Variants in PROC observed in about 807,000 individuals in gnomAD.
PROC encodes vitamin K-dependent protein C.
PROC carries 22 observed loss-of-function variants against 36.3 expected under a neutral mutation model. The observed-to-expected ratio is 0.61, with a 90% confidence interval of 0.43 to 0.86. PROC has a LOEUF of 0.86. Among genes scored for constraint, PROC ranks in the 40% least tolerant of loss-of-function variants. PROC has a pLI of 0.00. For synonymous variants in PROC, 218 were observed against 244.5 expected, an observed-to-expected ratio of 0.89 and a Z score of 1.01; for missense variants, 526 against 629.7, an observed-to-expected ratio of 0.84 and a Z score of 1.76.
chr2:127,421,958 C>T (rs1573438952), intron 3 of PROC, among the ~76,000 whole-genome samples: 1 of 152,156 alleles, frequency 6.6e-6, no homozygotes, highest in South Asian at 2.1e-4. Flanking sequence ...TCCTTTGGAG[C>T]CCCCAGAGTC....
Position 127,426,017 on chromosome 2 carries a change from G to T in PROC, c.536-68G>T. 2 of 1,605,386 alleles carry T rather than the reference G, an allele frequency of 1.2e-6. No individual in the cohort carries two copies. Among genetic ancestry groups the T allele is most frequent in the South Asian group, 2.2e-5 (2 of 90,606 alleles). Reference sequence around the variant, plus strand: ...CAAAGTGGCCCACAGGCTGGAGGAGGACCAAGACAGGAGGGCAGTCTCGGG... The same window carrying T: ...CAAAGTGGCCCACAGGCTGGAGGAGTACCAAGACAGGAGGGCAGTCTCGGG... On this transcript the variant is annotated intron_variant, in intron 6 of 8. Coordinates refer to ENST00000234071, the MANE Select transcript of PROC (RefSeq NM_000312.4). This position sits in a 1 kb window ranked among gnomAD's most constrained non-coding sequence, Gnocchi z 7.0.
Position 127,423,175 on chromosome 2 carries a change from AG to A in PROC, c.400+9del. 2 of 1,447,268 alleles carry A rather than the reference AG, an allele frequency of 1.4e-6. No individual in the cohort carries two copies. The highest frequency in any genetic ancestry group is 9.3e-7 in the Non-Finnish European group (1 of 1,079,558). 89.7% of individuals were successfully genotyped at this position (1,447,268 alleles called of 1,614,324 possible). A position where few individuals can be genotyped will look rare whatever the true frequency, so the allele number is the denominator to read the frequency against. On this transcript the variant is annotated splice_donor_5th_base_variant and intron_variant, in intron 5 of 8. Coordinates refer to ENST00000234071, the MANE Select transcript of PROC (RefSeq NM_000312.4). ...GAGGGCCGCTTCTGCCAGCGCGGTG[AG>A]GGGGAGAGGTGGATGCTGGCGGGCG...
In PROC at chr2:127,418,434, A is replaced by T; in HGVS notation, c.-80A>T. 1 of 1,289,642 alleles carries T rather than the reference A, an allele frequency of 7.8e-7. No individual in the cohort carries two copies. Among genetic ancestry groups the T allele is most frequent in the South Asian group, 1.2e-5 (1 of 81,024 alleles). The allele number at this position is 1,289,642 out of a possible 1,614,324, so 79.9% of individuals were successfully genotyped here. On this transcript the variant is annotated 5_prime_UTR_variant, in exon 1 of 9. Transcript: ENST00000234071. This position sits in a 1 kb window ranked among gnomAD's most constrained non-coding sequence, Gnocchi z 4.8. ...TATTTGTGGTTATGGATTAACTCGA[A>T]CTCCAGGCTGTCATGGCGGCAGGAC...
At chr2:127,425,935 A>G in intron 6 of PROC, 150 bp from the exon 7 acceptor site, 1 of 789,334 alleles carries the variant, frequency 1.3e-6, no homozygotes, top group Non-Finnish European at 2.2e-6. Flanking sequence ...GGGGGTTCAT[A>G]GCTAATATTA....
intron 3 of PROC, among the ~76,000 whole-genome samples, chr2:127,422,044 C>G (rs554983976): frequency 1.3e-5 from 2 of 152,316 alleles, no homozygotes; most frequent in South Asian, 4.1e-4. Context: ...CAGACCCGCT[C>G]TGTCCCTGGG....
At chr2:127,421,196 C>G in intron 2 of PROC, 87 bp from the exon 3 acceptor site, 1 of 1,421,108 alleles carries the variant, frequency 7.0e-7, no homozygotes, top group East Asian at 2.3e-5. Flanking sequence ...CCAGGCTCTC[C>G]CAGCTCTGCT....
At chr2:127,427,856 G>A (rs377486996) in intron 8 of PROC, among the ~76,000 whole-genome samples, 1 of 152,234 alleles carries the variant, frequency 6.6e-6, no homozygotes, top group East Asian at 1.9e-4. Flanking sequence ...TCTTCCCAGG[G>A]AACCATCAGT....
rs1688697062 is a variant in PROC, at chr2:127,428,748, T to C, written c.1188T>C (p.Asp396=). ...CGGGCATCCTCGGGGACCGGCAGGATGCCTGCGAGGGCGACAGTGGGGGGC... is the reference window on the plus strand; with the variant it reads ...CGGGCATCCTCGGGGACCGGCAGGACGCCTGCGAGGGCGACAGTGGGGGGC... ...LCAGILGDRQ[D]ACEGDSGGPM... Residue 396 remains aspartate (D), a synonymous_variant, in exon 9 of 9, where the codon GAT becomes GAC. Coordinates refer to ENST00000234071, the MANE Select transcript of PROC (RefSeq NM_000312.4). 6.2e-7 allele frequency: 1 copy of C among 1,613,320 alleles called. No individual in the cohort carries two copies. The highest frequency in any genetic ancestry group is 8.5e-7 in the Non-Finnish European group (1 of 1,179,968).
intron 6 of PROC, 146 bp from the exon 7 acceptor site, chr2:127,425,939 A>G: frequency 1.2e-6 from 1 of 806,340 alleles, no homozygotes; most frequent in Non-Finnish European, 2.1e-6. Context: ...GTTCATAGCT[A>G]ATATTAATGG....
At position 127,427,694 on chromosome 2, in the gene PROC, G is replaced by A. The variant is rs562310351; in HGVS notation, c.796+472G>A. Among the ~76,000 whole-genome samples the A allele has an allele frequency of 1.1e-4, 16 of 152,300 alleles. No individual in the cohort carries two copies. The East Asian group carries it at 2.7e-3, about 26-fold the overall frequency. ...CTGGGGGCACCTATGCATTGGCCCC[G>A]ATCTATGGCAATTTCTGGAGGGGGG... On this transcript the variant is annotated intron_variant, in intron 8 of 8. Coordinates refer to ENST00000234071, the MANE Select transcript of PROC (RefSeq NM_000312.4).
At position 127,426,280 on chromosome 2, in the gene PROC, G is replaced by C. The variant is rs905565738; in HGVS notation, c.678+53G>C. On this transcript the variant is annotated intron_variant, in intron 7 of 8. Transcript: ENST00000234071. This position sits in a 1 kb window ranked among gnomAD's most constrained non-coding sequence, Gnocchi z 7.0. ...CACGTGCTGGGTCCGGGATCACTGA[G>C]TCCATCCTGGCAGCTATGCTCAGGG... 6.2e-6 allele frequency: 10 copies of C among 1,612,066 alleles called. No homozygotes were observed. The Admixed American group carries it at 6.7e-5, about 11-fold the overall frequency.
chr2:127,425,569 T>C (rs2069939), intron 6 of PROC, among the ~76,000 whole-genome samples: 5,425 of 152,300 alleles, frequency 0.036, 155 homozygotes, highest in Middle Eastern at 0.058. Context: ...CTCAGCAGCA[T>C]CCCATTATGA....
In PROC at chr2:127,423,181, A is replaced by G; in HGVS notation, c.400+10A>G. ...CGCTTCTGCCAGCGCGGTGAGGGGG[A>G]GAGGTGGATGCTGGCGGGCGGCGGG... is the stretch of plus-strand genomic sequence containing the variant. On this transcript the variant is annotated intron_variant, in intron 5 of 8. Transcript: ENST00000234071. 6.6e-7 allele frequency: 1 copy of G among 1,525,466 alleles called. No homozygotes were observed. 94.5% of individuals were successfully genotyped at this position (1,525,466 alleles called of 1,614,324 possible).
At chr2:127,424,490 C>T (rs1024033971) in intron 6 of PROC, among the ~76,000 whole-genome samples, 16 of 152,120 alleles carry the variant, frequency 1.1e-4, no homozygotes, top group Admixed American at 2.6e-4. Context: ...TGAGCCACCG[C>T]GCCCAGCCTC....
Position 127,426,435 on chromosome 2 carries a change from G to A in PROC, c.678+208G>A. On this transcript the variant is annotated intron_variant, in intron 7 of 8. Coordinates refer to ENST00000234071, the MANE Select transcript of PROC (RefSeq NM_000312.4). This position sits in a 1 kb window ranked among gnomAD's most constrained non-coding sequence, Gnocchi z 7.0. ...GGGTGGGTGAGGGGAGGGGCATGGG[G>A]GCATGGAGGGGTCTGCAGGAGGGAG... 1 of 640,372 alleles carries A rather than the reference G, an allele frequency of 1.6e-6. No individual in the cohort carries two copies. The highest frequency in any genetic ancestry group is 2.7e-6 in the Non-Finnish European group (1 of 369,068). 39.7% of individuals were successfully genotyped at this position (640,372 alleles called of 1,614,324 possible).
At chr2:127,424,531 C>A (rs1323061092) in intron 6 of PROC, among the ~76,000 whole-genome samples, 2 of 152,158 alleles carry the variant, frequency 1.3e-5, no homozygotes, top group Non-Finnish European at 2.9e-5. Flanking sequence ...CTTTATAATT[C>A]AATTCTTCTG....
intron 7 of PROC, 72 bp from the exon 8 acceptor site, chr2:127,427,032 TG>T: frequency 7.5e-7 from 1 of 1,330,722 alleles, no homozygotes; most frequent in Non-Finnish European, 1.1e-6. Context: ...AAAGTGCATA[TG>T]AAACCCAGGT....
rs1283646903 is a variant in PROC, at chr2:127,418,798, T to A, written c.-22+306T>A. Among the ~76,000 whole-genome samples the A allele has an allele frequency of 1.3e-5, 2 of 152,148 alleles. No homozygotes were observed. The highest frequency in any genetic ancestry group is 6.5e-5 in the Admixed American group (1 of 15,282). On this transcript the variant is annotated intron_variant, in intron 1 of 8. Transcript: ENST00000234071. The surrounding 1 kb of genome is among the most constrained non-coding windows in gnomAD (Gnocchi z 4.8). ...CACTTCCACCTTTGGGGGTGTCGGA[T>A]TTGAACAAATCTCAGAAGTGGCCTC... is the stretch of plus-strand genomic sequence containing the variant.
rs1277271891 is a variant in PROC at position 127,426,222 on chromosome 2, T to G, written c.673T>G (p.Trp225Gly). ...GKMTRRGDSP[W>G]QVVLLDSKKK... ...GATGACCAGGCGGGGAGACAGCCCC[T>G]GGCAGGTGGGAGGCGAGGCAGCACC... The change falls in exon 7 of 9, where the codon TGG becomes GGG. Residue 225 changes from tryptophan to glycine, a missense_variant. Transcript: ENST00000234071. This position sits in a 1 kb window ranked among gnomAD's most constrained non-coding sequence, Gnocchi z 7.0. The G allele has an allele frequency of 6.2e-7, 1 of 1,613,932 alleles. No individual in the cohort carries two copies. Among genetic ancestry groups the G allele is most frequent in the Non-Finnish European group, 8.5e-7 (1 of 1,180,026 alleles).
Sources: gnomAD v4.1 joint callset for allele counts (sites outside exome capture counted in the v4.1 genomes callset) on GRCh38, gnomAD v4.1.1 for gene constraint, Gnocchi (gnomAD v3.1) non-coding constraint, MANE v1.5 for transcripts, NCBI Gene and HGNC (gene_info 2026-07-23, HGNC 2026-07-21) for gene names.